Variants in ELP5 observed in about 807,000 individuals in gnomAD.
ELP5 encodes elongator complex protein 5.
In ELP5, 34 loss-of-function variants were observed where a neutral mutation model predicts 33.4. The observed-to-expected ratio is 1.02, with a 90% confidence interval of 0.78 to 1.36. The LOEUF is 1.36. Among genes scored for constraint, ELP5 ranks in the 40% most tolerant of loss-of-function variants. ELP5 has a pLI of 0.00. For missense variants in ELP5, 373 were observed against 371.7 expected (o/e 1.00, Z -0.03); for synonymous variants, 161 against 146.4 (o/e 1.10, Z -0.72).
rs1213854004 is a variant in ELP5, at chr17:7,257,055, GAGA to G, written c.591+20_591+22del. The G allele has an allele frequency of 2.0e-6, 3 of 1,536,766 alleles. No homozygotes were observed. The highest frequency in any genetic ancestry group is 2.6e-6 in the Non-Finnish European group (3 of 1,146,502). On this transcript the variant is annotated intron_variant, in intron 5 of 7. Transcript: ENST00000396628. ...ACTGACCAGGTCAGAAGAACCAACA[GAGA>G]AGGACTGGAAACGGGGGACAGAGAA...
chr17:7,259,691 C>A lies in ELP5; in HGVS notation c.*6C>A. ...ATGACGACCTGGATATTTGACTGGCCAGATTTGATTAGATTGTAATTGGAG... is the reference window on the plus strand; with the variant it reads ...ATGACGACCTGGATATTTGACTGGCAAGATTTGATTAGATTGTAATTGGAG... On this transcript the variant is annotated 3_prime_UTR_variant, in exon 8 of 8. Coordinates refer to ENST00000396628, the MANE Select transcript of ELP5 (RefSeq NM_203414.3). The A allele has an allele frequency of 3.7e-6, 6 of 1,614,146 alleles. No homozygotes were observed. Among genetic ancestry groups the A allele is most frequent in the Non-Finnish European group, 5.1e-6 (6 of 1,180,022 alleles).
Position 7,256,885 on chromosome 17 carries a change from T to C in ELP5, c.438T>C (p.Ser146=). The stretch of plus-strand genomic sequence containing the variant: ...ACAGCTCCTCAGTGGGGAAAGTGAG[T>C]GTGCTGGGCTTGCTACATGAAGAGC... ...PGDSSSVGKV[S]VLGLLHEELH... is the part of the protein sequence containing the mutation. Residue 146 remains serine (S), a synonymous_variant, in exon 5 of 8, where the codon AGT becomes AGC. Transcript: ENST00000396628. 1.9e-6 allele frequency: 3 copies of C among 1,614,130 alleles called. No homozygotes were observed. Among genetic ancestry groups the C allele is most frequent in the Non-Finnish European group, 2.5e-6 (3 of 1,180,034 alleles).
chr17:7,256,509 C>T (rs1845559428), intron 4 of ELP5, among the ~76,000 whole-genome samples: 1 of 152,188 alleles, frequency 6.6e-6, no homozygotes, highest in Non-Finnish European at 1.5e-5. Flanking sequence ...AAGGCACTGA[C>T]TGAGATCTTG....
intron 3 of ELP5, among the ~76,000 whole-genome samples, chr17:7,254,361 C>T (rs1180141186): frequency 6.6e-6 from 1 of 152,224 alleles, no homozygotes; most frequent in East Asian, 1.9e-4. Context: ...TATCAGTTAG[C>T]TGACCTTGGG....
intron 3 of ELP5, among the ~76,000 whole-genome samples, chr17:7,254,221 C>T (rs566823224): frequency 6.6e-6 from 1 of 152,160 alleles, no homozygotes; most frequent in Non-Finnish European, 1.5e-5. Flanking sequence ...CTTTAGGTGC[C>T]ACACACAGGA....
intron 4 of ELP5, 85 bp downstream of exon 4, chr17:7,254,888 C>T: frequency 1.8e-6 from 2 of 1,106,808 alleles, no homozygotes; most frequent in Non-Finnish European, 2.7e-6. Context: ...CTAGAATAAA[C>T]ATCTGGGTTC....
At chr17:7,255,738 C>G (rs2072061499) in intron 4 of ELP5, among the ~76,000 whole-genome samples, 1 of 152,152 alleles carries the variant, frequency 6.6e-6, no homozygotes, top group South Asian at 2.1e-4. Context: ...TTAGGATGAA[C>G]CACTATATTG....
In ELP5 at chr17:7,256,969, G is replaced by C. The variant is rs145471666; in HGVS notation, c.522G>C (p.Leu174=). The C allele has an allele frequency of 2.2e-5, 36 of 1,613,060 alleles. No individual in the cohort carries two copies. The African/African-American group carries it at 3.3e-4, about 15-fold the overall frequency. ...LSSLAQTEVT[L]GGTMGQASAH... ...GCCTTGCTCAGACTGAGGTGACCCT[G>C]GGCGGTACCATGGGCCAGGCCTCGG... Residue 174 remains leucine (L), a synonymous_variant, in exon 5 of 8, where the codon CTG becomes CTC. Coordinates refer to ENST00000396628, the MANE Select transcript of ELP5 (RefSeq NM_203414.3).
chr17:7,252,428 T>C lies in ELP5; in HGVS notation c.-123T>C. ...AACATAATCACCTCTCATTCCAGAC[T>C]ATGTTAGGTCTTAATGGTGGGAGGA... On this transcript the variant is annotated 5_prime_UTR_variant, in exon 1 of 8. Coordinates refer to ENST00000396628, the MANE Select transcript of ELP5 (RefSeq NM_203414.3). 1 of 1,435,328 alleles carries C rather than the reference T, an allele frequency of 7.0e-7. No homozygotes were observed. The highest frequency in any genetic ancestry group is 9.7e-7 in the Non-Finnish European group (1 of 1,031,816). 88.9% of individuals were successfully genotyped at this position (1,435,328 alleles called of 1,614,324 possible). A position where few individuals can be genotyped will look rare whatever the true frequency, so the allele number is the denominator to read the frequency against.
chr17:7,257,654 C>G (rs1291840077), intron 5 of ELP5, among the ~76,000 whole-genome samples: 3 of 151,894 alleles, frequency 2.0e-5, no homozygotes, highest in Admixed American at 6.6e-5. Context: ...CCAGGCTGGT[C>G]TTGAATAACT....
At position 7,256,547 on chromosome 17, in the gene ELP5, C is replaced by T. The variant is rs565687438; in HGVS notation, c.410-310C>T. Among the ~76,000 whole-genome samples, 12 of 152,270 alleles carry T rather than the reference C, an allele frequency of 7.9e-5. No individual in the cohort carries two copies. The South Asian group carries it at 1.2e-3, about 16-fold the overall frequency. Reference sequence around the variant, plus strand: ...AAGTTCCAGAAACTACAAGTACTTCCGTGTGTAAGAGATGAGGCTGGAAAG... The same window carrying T: ...AAGTTCCAGAAACTACAAGTACTTCTGTGTGTAAGAGATGAGGCTGGAAAG... On this transcript the variant is annotated intron_variant, in intron 4 of 7. Transcript: ENST00000396628.
Position 7,259,778 on chromosome 17 carries a change from G to A in ELP5, c.*93G>A, listed in dbSNP as rs1054689358. ...CTATTGTTTGTGTTAGCCTTACCCT[G>A]TCCCTGCCCCACCTTGGTTCCCCTT... On this transcript the variant is annotated 3_prime_UTR_variant, in exon 8 of 8. Transcript: ENST00000396628. 4 of 1,533,920 alleles carry A rather than the reference G, an allele frequency of 2.6e-6. No individual in the cohort carries two copies. The highest frequency in any genetic ancestry group is 2.4e-5 in the East Asian group (1 of 41,796).
intron 3 of ELP5, among the ~76,000 whole-genome samples, chr17:7,253,558 A>C (rs1451490142): frequency 6.6e-6 from 1 of 152,334 alleles, no homozygotes; most frequent in East Asian, 1.9e-4. Context: ...CCTGATCAGG[A>C]GACATTAAGA....
At chr17:7,258,308 G>A (rs1321084312) in intron 5 of ELP5, among the ~76,000 whole-genome samples, 1 of 151,316 alleles carries the variant, frequency 6.6e-6, no homozygotes, top group African/African-American at 2.4e-5. Context: ...AATTAGCTGG[G>A]TGTGGTAGCA....
intron 7 of ELP5, chr17:7,259,289 G>A (rs2072156522): frequency 3.6e-6 from 5 of 1,381,290 alleles, no homozygotes; most frequent in African/African-American, 1.4e-5. Flanking sequence ...CACGCTTGCT[G>A]TTCTGTGCCC....
At position 7,254,728 on chromosome 17, in the gene ELP5, T is replaced by G. The variant is rs2072035254; in HGVS notation, c.334T>G (p.Trp112Gly). 1.9e-6 allele frequency: 3 copies of G among 1,614,060 alleles called. No homozygotes were observed. The highest frequency in any genetic ancestry group is 2.7e-5 in the African/African-American group (2 of 74,914). ...CACCATTGCTCTCGATTCACTCAGC[T>G]GGCTGCTACTTCGCCTTCCCTGCAC... ...PVTIALDSLSWLLLRLPCTTL... is the reference protein window; with the variant it reads ...PVTIALDSLSGLLLRLPCTTL... The change falls in exon 4 of 8, where the codon TGG (tryptophan) becomes GGG (glycine). Residue 112 changes from tryptophan to glycine, a missense_variant. Coordinates refer to ENST00000396628, the MANE Select transcript of ELP5 (RefSeq NM_203414.3).
chr17:7,257,193 A>T (rs2072097473), intron 5 of ELP5, among the ~76,000 whole-genome samples, 155 bp downstream of exon 5: 1 of 152,084 alleles, frequency 6.6e-6, no homozygotes. Flanking sequence ...GTGGTCTCAA[A>T]CTTCTGGGCT....
chr17:7,255,062 A>G, intron 4 of ELP5: 1 of 569,162 alleles, frequency 1.8e-6, no homozygotes, highest in East Asian at 3.0e-5. Context: ...AAATATATAC[A>G]ATGTGTCAGG....
In ELP5 at chr17:7,256,866, C is replaced by T; in HGVS notation, c.419C>T (p.Ser140Phe). Residue 140 changes from serine to phenylalanine, a missense_variant, in exon 5 of 8, where the codon TCC becomes TTC. By Grantham distance (155) the Ser-to-Phe change is radical (BLOSUM62 -2). Transcript: ENST00000396628. Reference sequence around the variant, plus strand: ...TCTTGTCCTCCTCTAGGTGACAGCTCCTCAGTGGGGAAAGTGAGTGTGCTG... The same window carrying T: ...TCTTGTCCTCCTCTAGGTGACAGCTTCTCAGTGGGGAAAGTGAGTGTGCTG... Reference protein sequence around the residue: ...SHQDSCPGDSSSVGKVSVLGL... With the variant: ...SHQDSCPGDSFSVGKVSVLGL... The T allele has an allele frequency of 5.0e-6, 8 of 1,614,210 alleles. No individual in the cohort carries two copies. Among genetic ancestry groups the T allele is most frequent in the Non-Finnish European group, 5.9e-6 (7 of 1,180,030 alleles).
Sources: gnomAD v4.1 joint callset for allele counts (sites outside exome capture counted in the v4.1 genomes callset) on GRCh38, gnomAD v4.1.1 for gene constraint, MANE v1.5 for transcripts, NCBI Gene and HGNC (gene_info 2026-07-23, HGNC 2026-07-21) for gene names.